The following LTBP1 variants were observed in gnomAD, a reference collection of about 807,000 sequenced individuals.
LTBP1 encodes the protein latent-transforming growth factor beta-binding protein 1.
In LTBP1, 129 loss-of-function variants were observed where a neutral mutation model predicts 207.6. The ratio of observed to expected loss-of-function variants is 0.62; its 90% CI spans 0.54 to 0.72. LTBP1 has a LOEUF of 0.72. Ranked by LOEUF, LTBP1 falls within the 30% of genes least tolerant of loss-of-function variation. The pLI is 0.00. For synonymous variants in LTBP1, 963 were observed against 833.7 expected (o/e 1.16, Z -2.67); for missense variants, 2,281 against 2,217.2 (o/e 1.03, Z -0.58).
At chr2:33,319,743 C>T (rs2094326501) in intron 24 of LTBP1, among the ~76,000 whole-genome samples, 1 of 152,164 alleles carries the variant, frequency 6.6e-6, no homozygotes, top group African/African-American at 2.4e-5. Flanking sequence ...TCACATGATA[C>T]AGCGGCCATG....
At chr2:33,135,577 G>A (rs549048825) in intron 5 of LTBP1, among the ~76,000 whole-genome samples, 1 of 148,982 alleles carries the variant, frequency 6.7e-6, no homozygotes, top group Non-Finnish European at 1.5e-5. Context: ...TTTTTTACGT[G>A]GATTTGGGGA....
At chr2:33,368,617 C>G (rs2095029807) in intron 31 of LTBP1, among the ~76,000 whole-genome samples, 1 of 152,248 alleles carries the variant, frequency 6.6e-6, no homozygotes, top group Non-Finnish European at 1.5e-5. Context: ...TGGCTTACGC[C>G]TGTAGTCCCA....
chr2:33,033,186 G>A (rs1166806950), intron 3 of LTBP1, among the ~76,000 whole-genome samples: 2 of 152,116 alleles, frequency 1.3e-5, no homozygotes, highest in Middle Eastern at 3.4e-3. Context: ...TTGATAACTG[G>A]AATGTTTCTT....
At chr2:33,264,967 TCTG>T (rs2093133638) in intron 15 of LTBP1, among the ~76,000 whole-genome samples, 4 of 152,032 alleles carry the variant, frequency 2.6e-5, no homozygotes, top group African/African-American at 9.7e-5. Flanking sequence ...CCAGTCTGAG[TCTG>T]AGTCTGAAGG....
intron 3 of LTBP1, among the ~76,000 whole-genome samples, chr2:33,051,698 G>A (rs376668683): frequency 4.5e-4 from 68 of 152,288 alleles, no homozygotes; most frequent in African/African-American, 1.5e-3. Context: ...TGTGAAGTGT[G>A]CAGAGCTGCT....
intron 26 of LTBP1, among the ~76,000 whole-genome samples, chr2:33,352,134 A>T (rs1282415865): frequency 6.6e-6 from 1 of 151,704 alleles, no homozygotes; most frequent in South Asian, 2.1e-4. Context: ...TTATTTATTT[A>T]TTTATTTTTA....
rs2082634452 is a variant in LTBP1 at position 33,141,387 on chromosome 2, C to T, written c.1201+6427C>T. Among the ~76,000 whole-genome samples, 3 of 152,102 alleles carry T rather than the reference C, an allele frequency of 2.0e-5. No homozygotes were observed. The South Asian group carries it at 6.2e-4, about 32-fold the overall frequency. ...GAATAATGTGAACGTACTTAGCACT[C>T]CTGAACCACAGCACTTAAGAATAGT... On this transcript the variant is annotated intron_variant, in intron 5 of 33. Coordinates refer to ENST00000404816, the MANE Select transcript of LTBP1 (RefSeq NM_206943.4).
chr2:33,261,410 A>G (rs2093005661), intron 13 of LTBP1, among the ~76,000 whole-genome samples: 1 of 152,168 alleles, frequency 6.6e-6, no homozygotes, highest in African/African-American at 2.4e-5. Context: ...TGTGGGAAAA[A>G]CTATTAAGTG....
At position 33,188,642 on chromosome 2, in the gene LTBP1, C is replaced by A. The variant is rs750286953; in HGVS notation, c.1492C>A (p.His498Asn). 6.2e-7 allele frequency: 1 copy of A among 1,613,964 alleles called. No homozygotes were observed. Among genetic ancestry groups the A allele is most frequent in the East Asian group, 2.2e-5 (1 of 44,890 alleles). Residue 498 changes from histidine to asparagine, a missense_variant, in exon 7 of 34, where the codon CAT becomes AAT. Transcript: ENST00000404816. ...TCCTCCTGAAGCTTCCGTCCAGATA[C>A]ATCAGGTTTCAAGAATTGATGGCCC... is the stretch of plus-strand genomic sequence containing the variant. ...KHPPEASVQI[H>N]QVSRIDGPTG... is the part of the protein sequence containing the mutation.
At chr2:33,393,203 C>G (rs1438836972) in intron 32 of LTBP1, among the ~76,000 whole-genome samples, 6 of 148,966 alleles carry the variant, frequency 4.0e-5, no homozygotes, top group African/African-American at 2.5e-5. Flanking sequence ...TCCTCCCACC[C>G]TCCACTAGTG....
At chr2:33,324,699 C>CTTTTT (rs35517435) in intron 24 of LTBP1, among the ~76,000 whole-genome samples, 12 of 123,362 alleles carry the variant, frequency 9.7e-5, no homozygotes, top group East Asian at 2.5e-4. Flanking sequence ...TGTATTCTAT[C>CTTTTT]TTTTTTTTTT....
At chr2:33,375,399 C>G (rs1023400592) in intron 31 of LTBP1, among the ~76,000 whole-genome samples, 1 of 152,214 alleles carries the variant, frequency 6.6e-6, no homozygotes, top group African/African-American at 2.4e-5. Context: ...GGGAATTGCA[C>G]AGACCCGAAT....
chr2:33,079,385 A>C (rs2078270093), intron 3 of LTBP1, among the ~76,000 whole-genome samples: 1 of 152,208 alleles, frequency 6.6e-6, no homozygotes, highest in Non-Finnish European at 1.5e-5. Flanking sequence ...ATTGCACTAA[A>C]ACAACACCAG....
intron 4 of LTBP1, among the ~76,000 whole-genome samples, chr2:33,125,829 C>CAA (rs34059321): frequency 2.3e-5 from 3 of 131,566 alleles, no homozygotes; most frequent in African/African-American, 2.8e-5. Flanking sequence ...GACTCCGTCT[C>CAA]AAAAAAAAAA....
intron 7 of LTBP1, among the ~76,000 whole-genome samples, chr2:33,197,325 G>T (rs2088676810): frequency 6.6e-6 from 1 of 152,180 alleles, no homozygotes; most frequent in African/African-American, 2.4e-5. Context: ...AGTTGTGGTA[G>T]TCTACATATA....
chr2:33,056,509 T>C, intron 3 of LTBP1: 4 of 733,210 alleles, frequency 5.5e-6, no homozygotes, highest in Non-Finnish European at 6.4e-6. Context: ...TTCTTGTCCC[T>C]TCGTGGTTGC....
intron 7 of LTBP1, among the ~76,000 whole-genome samples, chr2:33,214,582 A>G (rs1349494175): frequency 6.6e-5 from 10 of 151,700 alleles, no homozygotes; most frequent in Non-Finnish European, 5.9e-5. Context: ...CGCTGTTCCA[A>G]CCTCGGGGAC....
Position 33,397,245 on chromosome 2 carries a change from TG to T in LTBP1, c.4950del (p.Tyr1651IlefsTer8). ...QEGYTCDCFD[G>X]YHLDTAKMTC... ...AAGGTTACACCTGCGATTGCTTTGA[TG>T]GGTATCACTTGGATACGGCCAAGAT... On this transcript the variant is annotated frameshift_variant, in exon 33 of 34. Coordinates refer to ENST00000404816, the MANE Select transcript of LTBP1 (RefSeq NM_206943.4). LOFTEE classifies it high-confidence loss of function. 1 of 1,614,156 alleles carries T rather than the reference TG, an allele frequency of 6.2e-7. No individual in the cohort carries two copies. Among genetic ancestry groups the T allele is most frequent in the Non-Finnish European group, 8.5e-7 (1 of 1,179,996 alleles).
In LTBP1 at chr2:32,947,125, C is replaced by T; in HGVS notation, c.-200C>T. The T allele has an allele frequency of 2.8e-6, 1 of 356,282 alleles. No homozygotes were observed. The highest frequency in any genetic ancestry group is 4.9e-6 in the Non-Finnish European group (1 of 202,256). The allele number at this position is 356,282 out of a possible 1,614,324, so 22.1% of individuals were successfully genotyped here. A position where few individuals can be genotyped will look rare whatever the true frequency, so the allele number is the denominator to read the frequency against. On this transcript the variant is annotated 5_prime_UTR_variant, in exon 1 of 34. Coordinates refer to ENST00000404816, the MANE Select transcript of LTBP1 (RefSeq NM_206943.4). ...CCCACCCCCACGCCCTCCTCCTGCT[C>T]CCAGCCACAATCGGCCGGGGTCTGG...
Sources: allele counts gnomAD v4.1 joint callset (sites outside exome capture counted in the v4.1 genomes callset), GRCh38; gene constraint gnomAD v4.1.1; transcripts MANE v1.5; gene names NCBI Gene and HGNC (gene_info 2026-07-23, HGNC 2026-07-21).